CCSER1: variants seen among roughly 807,000 people sequenced by gnomAD.
CCSER1 encodes the protein coiled-coil serine rich protein 1.
A neutral mutation model predicts 82.0 loss-of-function variants in CCSER1; 41 were observed. That is an observed-to-expected ratio of 0.50 (90% confidence interval 0.39 to 0.65). CCSER1 has a LOEUF of 0.65. Among genes scored for constraint, CCSER1 ranks in the 30% least tolerant of loss-of-function variants. The pLI, the probability that CCSER1 is intolerant of heterozygous loss-of-function variation, is 0.00. For missense variants in CCSER1, 1,119 were observed against 1,064.2 expected (o/e 1.05, Z -0.72); for synonymous variants, 414 against 383.9 (o/e 1.08, Z -0.92).
chr4:90,495,642 A>C (rs942819289), intron 5 of CCSER1, among the ~76,000 whole-genome samples: 6 of 152,230 alleles, frequency 3.9e-5, no homozygotes, highest in African/African-American at 7.2e-5. Context: ...GCAAGTAATT[A>C]TAATAGAAAT....
At chr4:90,131,462 C>T (rs1268030330) in intron 1 of CCSER1, among the ~76,000 whole-genome samples, 1 of 152,038 alleles carries the variant, frequency 6.6e-6, no homozygotes, top group Non-Finnish European at 1.5e-5. Flanking sequence ...TTCGGTATTT[C>T]CCTAAGCAAA....
chr4:91,245,099 CAAAAG>C (rs2149135689), intron 10 of CCSER1, among the ~76,000 whole-genome samples: 1 of 151,212 alleles, frequency 6.6e-6, no homozygotes, highest in African/African-American at 2.4e-5. Flanking sequence ...TCAGAGGAGG[CAAAAG>C]AAAAAAGAAT....
At chr4:90,712,113 A>AT (rs200483195) in intron 6 of CCSER1, among the ~76,000 whole-genome samples, 2,704 of 151,376 alleles carry the variant, frequency 0.018, 65 homozygotes, top group African/African-American at 0.056. Context: ...GGATTTGTTG[A>AT]TTTTTTTGAA....
rs143147124 is a variant in CCSER1, at chr4:90,376,081, T to G, written c.1510-23955T>G. Among the ~76,000 whole-genome samples, 339 of 152,254 alleles carry G rather than the reference T, an allele frequency of 2.2e-3. 2 individuals carry two copies. The highest frequency in any genetic ancestry group is 7.4e-3 in the African/African-American group (306 of 41,558). ...ACTTGCCTCTCTTCTGAAAACACAG[T>G]CATATGCATTATAGGGTGATCACAA... On this transcript the variant is annotated intron_variant, in intron 3 of 10. Transcript: ENST00000509176.
chr4:90,336,773 G>A (rs549168509), intron 3 of CCSER1, among the ~76,000 whole-genome samples: 14 of 152,224 alleles, frequency 9.2e-5, no homozygotes, highest in Non-Finnish European at 4.4e-5. Context: ...AATCCAATAT[G>A]TAAAAATACA....
chr4:91,073,223 A>G (rs930468070), intron 9 of CCSER1, among the ~76,000 whole-genome samples: 3 of 152,114 alleles, frequency 2.0e-5, no homozygotes, highest in Non-Finnish European at 2.9e-5. Context: ...TTTTAGCCCA[A>G]ATCATGATAA....
intron 6 of CCSER1, among the ~76,000 whole-genome samples, chr4:90,651,239 G>A (rs556216527): frequency 3.3e-5 from 5 of 152,182 alleles, no homozygotes; most frequent in Non-Finnish European, 5.9e-5. Flanking sequence ...ACATGCACAC[G>A]TATGTTTATT....
intron 1 of CCSER1, among the ~76,000 whole-genome samples, chr4:90,295,553 A>C (rs1172660872): frequency 1.3e-5 from 2 of 151,866 alleles, no homozygotes; most frequent in Admixed American, 6.6e-5. Context: ...AATGAGTTTG[A>C]GTATTTTAAA....
At chr4:91,531,145 A>G (rs996608806) in intron 10 of CCSER1, among the ~76,000 whole-genome samples, 1 of 152,214 alleles carries the variant, frequency 6.6e-6, no homozygotes, top group Non-Finnish European at 1.5e-5. Context: ...ATTGGCAGAA[A>G]TAATTTCAAC....
intron 6 of CCSER1, among the ~76,000 whole-genome samples, chr4:90,635,625 G>A (rs547657103): frequency 1.3e-3 from 192 of 151,846 alleles, no homozygotes; most frequent in Non-Finnish European, 2.5e-3. Context: ...GCGATAATTC[G>A]TAACCTTTAA....
rs192987637 is a variant in CCSER1, at chr4:90,227,541, A to G, written c.-41-80703A>G. Among the ~76,000 whole-genome samples the G allele has an allele frequency of 2.0e-3, 305 of 152,344 alleles. 1 individual carries two copies. The Middle Eastern group carries it at 0.034, about 17-fold the overall frequency. On this transcript the variant is annotated intron_variant, in intron 1 of 10. Coordinates refer to ENST00000509176, the MANE Select transcript of CCSER1 (RefSeq NM_001145065.2). ...CTATTTAAATTAAGCACCTTGCAAC[A>G]TGTATTCAGCTATGAGGAATTTTCC...
chr4:90,138,811 A>C (rs1257277844), intron 1 of CCSER1, among the ~76,000 whole-genome samples: 2 of 152,052 alleles, frequency 1.3e-5, no homozygotes, highest in Non-Finnish European at 2.9e-5. Flanking sequence ...CATTAACTCC[A>C]TGTTCACTTT....
Position 90,808,315 on chromosome 4 carries a change from C to G in CCSER1, c.2011-7447C>G, listed in dbSNP as rs149568206. Reference sequence around the variant, plus strand: ...ATTAGAAAACCTAAGAGAAACGATTCTGGACATTGGCTTAGGCAAAGAATT... The same window carrying G: ...ATTAGAAAACCTAAGAGAAACGATTGTGGACATTGGCTTAGGCAAAGAATT... On this transcript the variant is annotated intron_variant, in intron 7 of 10. Coordinates refer to ENST00000509176, the MANE Select transcript of CCSER1 (RefSeq NM_001145065.2). Among the ~76,000 whole-genome samples, 62 of 152,176 alleles carry G rather than the reference C, an allele frequency of 4.1e-4. 2 individuals carry two copies. The highest frequency in any genetic ancestry group is 3.7e-3 in the Admixed American group (56 of 15,268).
intron 1 of CCSER1, among the ~76,000 whole-genome samples, chr4:90,144,836 CATTT>C (rs954518925): frequency 7.2e-4 from 109 of 152,142 alleles, no homozygotes; most frequent in African/African-American, 2.6e-3. Flanking sequence ...TCAAATGCCC[CATTT>C]ATTCATTTTG....
chr4:91,521,637 T>C lies in CCSER1; in HGVS notation c.2218-76935T>C, dbSNP rs866195166. Among the ~76,000 whole-genome samples the C allele has an allele frequency of 3.9e-5, 6 of 152,364 alleles. No homozygotes were observed. In the South Asian group the frequency reaches 8.3e-4, roughly 21 times the overall value. Reference sequence around the variant, plus strand: ...GCATTTCTCTGATGACCAGTGATGATGAGCATTCTTTCATGTGTCTGTTGG... The same window carrying C: ...GCATTTCTCTGATGACCAGTGATGACGAGCATTCTTTCATGTGTCTGTTGG... On this transcript the variant is annotated intron_variant, in intron 10 of 10. Transcript: ENST00000509176.
chr4:91,285,967 T>C (rs902066283), intron 10 of CCSER1, among the ~76,000 whole-genome samples: 3 of 151,600 alleles, frequency 2.0e-5, no homozygotes, highest in Non-Finnish European at 3.0e-5. Flanking sequence ...AGCGTGTTTG[T>C]TTTGTTTTTT....
intron 6 of CCSER1, among the ~76,000 whole-genome samples, chr4:90,646,532 C>A (rs1299880477): frequency 3.3e-5 from 5 of 152,046 alleles, no homozygotes; most frequent in Admixed American, 2.0e-4. Flanking sequence ...AAATTTCTAC[C>A]CAACCTTGCA....
At chr4:90,375,720 A>T (rs1748192165) in intron 3 of CCSER1, among the ~76,000 whole-genome samples, 1 of 152,144 alleles carries the variant, frequency 6.6e-6, no homozygotes, top group South Asian at 2.1e-4. Flanking sequence ...TCCCATGCAA[A>T]ACATTGCCAA....
Position 90,447,305 on chromosome 4 carries a change from T to G in CCSER1, c.1604-20929T>G, listed in dbSNP as rs562707486. ...AGTGGTGCAAAAAGTAGACACCAAATACGTGAGAGAAAATTTACTTGTGGT... is the reference window on the plus strand; with the variant it reads ...AGTGGTGCAAAAAGTAGACACCAAAGACGTGAGAGAAAATTTACTTGTGGT... On this transcript the variant is annotated intron_variant, in intron 4 of 10. Transcript: ENST00000509176. Among the ~76,000 whole-genome samples, 241 of 151,606 alleles carry G rather than the reference T, an allele frequency of 1.6e-3. 1 individual carries two copies. The highest frequency in any genetic ancestry group is 5.7e-3 in the African/African-American group (235 of 41,294).
Sources: gnomAD v4.1 joint callset for allele counts (sites outside exome capture counted in the v4.1 genomes callset) on GRCh38, gnomAD v4.1.1 for gene constraint, MANE v1.5 for transcripts, NCBI Gene and HGNC (gene_info 2026-07-23, HGNC 2026-07-21) for gene names.